The following MYLIP variants were observed in gnomAD, a reference collection of about 807,000 sequenced individuals.
MYLIP encodes E3 ubiquitin-protein ligase MYLIP.
A neutral mutation model predicts 45.8 loss-of-function variants in MYLIP; 26 were observed. The ratio of observed to expected loss-of-function variants is 0.57; its 90% confidence interval spans 0.42 to 0.79. MYLIP has a LOEUF of 0.79. Among genes scored for constraint, MYLIP ranks in the 30% least tolerant of loss-of-function variants. MYLIP has a pLI of 0.00. For synonymous variants in MYLIP, 213 were observed against 218.1 expected, an observed-to-expected ratio of 0.98 and a Z score of 0.21; for missense variants, 494 against 555.6, an observed-to-expected ratio of 0.89 and a Z score of 1.11.
At position 16,148,141 on chromosome 6, in the gene MYLIP, T is replaced by C. The variant is rs1759833638; in HGVS notation, c.*1390T>C. ...GCATATAAGCCTTTATTCCAAGAGG[T>C]ATTTATTTTTTCACTTGTAAAAAAA... On this transcript the variant is annotated 3_prime_UTR_variant, in exon 7 of 7. Coordinates refer to ENST00000356840, the MANE Select transcript of MYLIP (RefSeq NM_013262.4). The C allele has an allele frequency of 6.6e-6, 1 of 152,648 alleles. No homozygotes were observed. Among genetic ancestry groups the C allele is most frequent in the Non-Finnish European group, 1.5e-5 (1 of 68,038 alleles). 9.5% of individuals were successfully genotyped at this position (152,648 alleles called of 1,614,324 possible).
rs978056567 is a variant in MYLIP, at chr6:16,146,510, G to T, written c.1249-152G>T. 4.7e-5 allele frequency: 28 copies of T among 598,598 alleles called. No homozygotes were observed. The African/African-American group carries it at 5.0e-4, about 11-fold the overall frequency. 37.1% of individuals were successfully genotyped at this position (598,598 alleles called of 1,614,324 possible). A position where few individuals can be genotyped will look rare whatever the true frequency, so the allele number is the denominator to read the frequency against. On this transcript the variant is annotated intron_variant, in intron 6 of 6. Transcript: ENST00000356840. The stretch of plus-strand genomic sequence containing the variant: ...GTATAAACTTTCAACCTGTGAGACG[G>T]CAAAGATCTCTACCAATTGAAAGCT...
At chr6:16,136,311 C>T (rs1018203591) in intron 2 of MYLIP, among the ~76,000 whole-genome samples, 13 of 150,492 alleles carry the variant, frequency 8.6e-5, no homozygotes, top group Non-Finnish European at 1.6e-4. Context: ...GCCTGTGCGG[C>T]CTTATCTATA....
At chr6:16,154,786 G>A in the MYLIP span, among the ~76,000 whole-genome samples, 2,598 of 152,210 alleles carry the variant, frequency 0.017, 61 homozygotes, top group African/African-American at 0.059. Flanking sequence ...CATTAATGAG[G>A]GCTCTTAGGC....
chr6:16,154,601 TGCTCCAAAAG>T, the MYLIP span, among the ~76,000 whole-genome samples: 1 of 152,174 alleles, frequency 6.6e-6, no homozygotes, highest in Non-Finnish European at 1.5e-5. Flanking sequence ...TGGCCCGGGA[TGCTCCAAAAG>T]GTTGACCTTA....
downstream of MYLIP, among the ~76,000 whole-genome samples, chr6:16,149,129 G>A (rs1300665324): frequency 1.3e-5 from 2 of 152,274 alleles, no homozygotes; most frequent in East Asian, 3.9e-4. Flanking sequence ...CCTGTAACGT[G>A]TACTTTTGTC....
rs902959452 is a variant in MYLIP, at chr6:16,143,165, G to T, written c.610G>T (p.Val204Phe). The change falls in exon 4 of 7, where the codon GTT becomes TTT. Residue 204 changes from valine (V) to phenylalanine (F), a missense_variant. Physicochemically the swap from Val to Phe is conservative, Grantham distance 50. Coordinates refer to ENST00000356840, the MANE Select transcript of MYLIP (RefSeq NM_013262.4). The stretch of plus-strand genomic sequence containing the variant: ...CGAAGGGCAGAAACTGCTCATTGGG[G>T]TTGGACCTGAAGGAATCTCAATTTG... ...DSEGQKLLIGVGPEGISICKD... is the reference protein window; with the variant it reads ...DSEGQKLLIGFGPEGISICKD... The T allele has an allele frequency of 3.1e-6, 5 of 1,614,202 alleles. No individual in the cohort carries two copies. Among genetic ancestry groups the T allele is most frequent in the Non-Finnish European group, 3.4e-6 (4 of 1,180,036 alleles).
chr6:16,144,611 TC>T (rs1759745153), intron 5 of MYLIP, among the ~76,000 whole-genome samples: 1 of 152,220 alleles, frequency 6.6e-6, no homozygotes, highest in Non-Finnish European at 1.5e-5. Context: ...CCCTTTTTCT[TC>T]CATAAGCAAC....
intron 2 of MYLIP, among the ~76,000 whole-genome samples, chr6:16,134,069 C>G (rs182215814): frequency 3.3e-5 from 5 of 152,234 alleles, no homozygotes; most frequent in African/African-American, 1.2e-4. Context: ...AGACTAAACT[C>G]CCCCAAGACA....
chr6:16,134,819 T>C (rs1201025005), intron 2 of MYLIP, among the ~76,000 whole-genome samples: 1 of 152,218 alleles, frequency 6.6e-6, no homozygotes, highest in Non-Finnish European at 1.5e-5. Flanking sequence ...GTTAAGGCTA[T>C]AGGATGTTTG....
the MYLIP span, among the ~76,000 whole-genome samples, chr6:16,162,803 A>AAAAAAAAAAAAAAAAAAAAAAG: frequency 6.6e-6 from 1 of 151,032 alleles, no homozygotes; most frequent in Non-Finnish European, 1.5e-5. Context: ...AAAAAAAAAA[A>AAAAAAAAAAAAAAAAAAAAAAG]AAGAAATTCA....
intron 2 of MYLIP, among the ~76,000 whole-genome samples, chr6:16,141,347 T>C (rs1011053290): frequency 3.3e-5 from 5 of 152,262 alleles, no homozygotes; most frequent in African/African-American, 9.6e-5. Context: ...CAGAAACTTA[T>C]GTGTAATTAT....
intron 2 of MYLIP, among the ~76,000 whole-genome samples, chr6:16,138,539 C>T (rs1221944849): frequency 6.6e-6 from 1 of 152,140 alleles, no homozygotes; most frequent in Non-Finnish European, 1.5e-5. Flanking sequence ...CTCTGTTGTA[C>T]TGTTCTCCTG....
intron 6 of MYLIP, 57 bp downstream of exon 6, chr6:16,145,374 G>A (rs567180995): frequency 2.0e-4 from 307 of 1,518,730 alleles, no homozygotes; most frequent in Admixed American, 1.3e-3. Flanking sequence ...TCCTCTTAAC[G>A]GGGAGTAGGA....
Position 16,129,486 on chromosome 6 carries a change from G to A in MYLIP, c.87+77G>A. The A allele has an allele frequency of 1.4e-6, 2 of 1,432,470 alleles. No individual in the cohort carries two copies. The highest frequency in any genetic ancestry group is 2.1e-5 in the Admixed American group (1 of 48,084). The allele number at this position is 1,432,470 out of a possible 1,614,324, so 88.7% of individuals were successfully genotyped here. A position where few individuals can be genotyped will look rare whatever the true frequency, so the allele number is the denominator to read the frequency against. On this transcript the variant is annotated intron_variant, in intron 1 of 6. Transcript: ENST00000356840. This position sits in a 1 kb window ranked among gnomAD's most constrained non-coding sequence, Gnocchi z 5.1. ...GCCTCGCAGCGACGCCTGGCACTCT[G>A]GCGCGCCCCCTACTAGGGGCCGGGA...
intron 6 of MYLIP, among the ~76,000 whole-genome samples, chr6:16,145,900 T>C (rs1759780646): frequency 6.6e-6 from 1 of 152,252 alleles, no homozygotes; most frequent in Admixed American, 6.5e-5. Flanking sequence ...CTTTCTTGCA[T>C]GAAGAAGAAT....
chr6:16,145,444 CTTTGTA>C (rs1759771289), intron 6 of MYLIP, 127 bp downstream of exon 6: 3 of 1,106,290 alleles, frequency 2.7e-6, no homozygotes, highest in Non-Finnish European at 3.8e-6. Context: ...CGGAAAGGGT[CTTTGTA>C]TTTGGTGACC....
At chr6:16,137,209 C>T (rs1033637613) in intron 2 of MYLIP, among the ~76,000 whole-genome samples, 1 of 152,136 alleles carries the variant, frequency 6.6e-6, no homozygotes, top group Non-Finnish European at 1.5e-5. Context: ...ATTAAAGATA[C>T]AAAACAGAAA....
rs1759708052 is a variant in MYLIP, at chr6:16,143,117, G to C, written c.562G>C (p.Glu188Gln). ...IVSAMENYGI[E>Q]WHSVRDSEGQ... is the part of the protein sequence containing the mutation. ...GTCGGCAATGGAAAACTATGGCATA[G>C]AATGGCATTCTGTGCGGGATAGCGA... Residue 188 changes from glutamate (E) to glutamine (Q), a missense_variant, in exon 4 of 7, where the codon GAA (glutamate) becomes CAA (glutamine). By Grantham distance (29) the Glu-to-Gln change is conservative. Transcript: ENST00000356840. The C allele has an allele frequency of 6.2e-7, 1 of 1,614,092 alleles. No individual in the cohort carries two copies. Among genetic ancestry groups the C allele is most frequent in the Non-Finnish European group, 8.5e-7 (1 of 1,180,058 alleles).
At chr6:16,145,966 G>A (rs1271721496) in intron 6 of MYLIP, among the ~76,000 whole-genome samples, 1 of 152,120 alleles carries the variant, frequency 6.6e-6, no homozygotes, top group East Asian at 1.9e-4. Context: ...AGATGTGTTT[G>A]CCAAATGTCA....
Sources: allele counts gnomAD v4.1 joint callset (sites outside exome capture counted in the v4.1 genomes callset), GRCh38; gene constraint gnomAD v4.1.1; non-coding constraint Gnocchi (gnomAD v3.1); transcripts MANE v1.5; gene names NCBI Gene and HGNC (gene_info 2026-07-23, HGNC 2026-07-21).